Variants in ZFC3H1 observed in about 807,000 individuals in gnomAD.
ZFC3H1 encodes the protein zinc finger C3H1 domain-containing protein.
ZFC3H1 carries 71 observed loss-of-function variants against 243.7 expected under a neutral mutation model. The observed-to-expected ratio is 0.29, with a 90% CI of 0.24 to 0.36. The LOEUF (loss-of-function observed/expected upper bound fraction) is 0.36. ZFC3H1 is among the 10% of genes least tolerant of loss of function. The pLI, the probability that ZFC3H1 is intolerant of heterozygous loss-of-function variation, is 1.00. For synonymous variants in ZFC3H1, 838 were observed against 813.0 expected, an observed-to-expected ratio of 1.03 and a Z score of -0.52; for missense variants, 1,966 against 2,317.1, an observed-to-expected ratio of 0.85 and a Z score of 3.11.
In ZFC3H1 at chr12:71,610,164, G is replaced by C. The variant is rs2137508377; in HGVS notation, c.*264C>G. On this transcript the variant is annotated 3_prime_UTR_variant, in exon 35 of 35. Coordinates refer to ENST00000378743, the MANE Select transcript of ZFC3H1 (RefSeq NM_144982.5). The stretch of plus-strand genomic sequence containing the variant: ...AATTAAAATAAATGTCAGTCACTTT[G>C]AGGAACTATACTTACGTATATGATG... The C allele has an allele frequency of 3.4e-6, 1 of 294,030 alleles. No individual in the cohort carries two copies. Among genetic ancestry groups the C allele is most frequent in the East Asian group, 5.8e-5 (1 of 17,124 alleles). 18.2% of individuals were successfully genotyped at this position (294,030 alleles called of 1,614,324 possible). A position where few individuals can be genotyped will look rare whatever the true frequency, so the allele number is the denominator to read the frequency against.
chr12:71,626,283 G>T lies in ZFC3H1; in HGVS notation c.4294C>A (p.Pro1432Thr), dbSNP rs916613240. Residue 1432 changes from proline to threonine, a missense_variant, in exon 22 of 35, where the codon CCA becomes ACA. This residue lies in a region of ZFC3H1 where 1,383 missense variants were observed against 1,723.7 expected (regional missense o/e 0.80). Transcript: ENST00000378743. Reference sequence around the variant, plus strand: ...ACAGTCCAAAAGCTTTGATAATCTGGAGCATATTCAACAGCTGTTTCACAC... The same window carrying T: ...ACAGTCCAAAAGCTTTGATAATCTGTAGCATATTCAACAGCTGTTTCACAC... ...EMCETAVEYA[P>T]DYQSFWTFLH... 29 of 1,613,218 alleles carry T rather than the reference G, an allele frequency of 1.8e-5. No individual in the cohort carries two copies. Among genetic ancestry groups the T allele is most frequent in the Non-Finnish European group, 2.5e-5 (29 of 1,179,782 alleles).
In ZFC3H1 at chr12:71,638,535, T is replaced by C. The variant is rs1880523766; in HGVS notation, c.1628-20A>G. On this transcript the variant is annotated intron_variant, in intron 6 of 34. Transcript: ENST00000378743. Reference sequence around the variant, plus strand: ...AAGGAGCTGTAAAAAAATTTTTTGTTAAGAGTTTAATAACAGAAATACTTC... The same window carrying C: ...AAGGAGCTGTAAAAAAATTTTTTGTCAAGAGTTTAATAACAGAAATACTTC... 2 of 1,567,486 alleles carry C rather than the reference T, an allele frequency of 1.3e-6. No individual in the cohort carries two copies. The highest frequency in any genetic ancestry group is 1.7e-6 in the Non-Finnish European group (2 of 1,154,198).
Position 71,611,895 on chromosome 12 carries a change from GT to G in ZFC3H1, c.5628-9del. ...CATTCATGTTGAAGTAACCTGTAAAGTACATTCAGGAAAATGAACAAAGCAT... is the reference window on the plus strand; with the variant it reads ...CATTCATGTTGAAGTAACCTGTAAAGACATTCAGGAAAATGAACAAAGCAT... On this transcript the variant is annotated splice_polypyrimidine_tract_variant and intron_variant, in intron 31 of 34. Transcript: ENST00000378743. 4 of 1,567,492 alleles carry G rather than the reference GT, an allele frequency of 2.6e-6. No individual in the cohort carries two copies. The highest frequency in any genetic ancestry group is 3.5e-6 in the Non-Finnish European group (4 of 1,147,236).
Position 71,630,726 on chromosome 12 carries a change from GAT to G in ZFC3H1, c.3603-7_3603-6del. Reference sequence around the variant, plus strand: ...GTATAGTCTTGTATATGCTGCCTAAGATAAAAAAAAACACAGAAAAGATAATC... The same window carrying G: ...GTATAGTCTTGTATATGCTGCCTAAGAAAAAAAAACACAGAAAAGATAATC... On this transcript the variant is annotated splice_polypyrimidine_tract_variant and splice_region_variant and intron_variant, in intron 17 of 34. Transcript: ENST00000378743. 3 of 1,604,476 alleles carry G rather than the reference GAT, an allele frequency of 1.9e-6. No individual in the cohort carries two copies. Among genetic ancestry groups the G allele is most frequent in the Non-Finnish European group, 2.5e-6 (3 of 1,177,288 alleles).
intron 31 of ZFC3H1, 39 bp from the exon 32 acceptor site, chr12:71,611,926 A>C (rs751658420): frequency 7.4e-6 from 10 of 1,354,654 alleles, no homozygotes; most frequent in Non-Finnish European, 6.2e-6. Flanking sequence ...AAGCATTGCA[A>C]GTGTAACGAA....
chr12:71,622,296 C>G (rs1459436473), intron 24 of ZFC3H1, among the ~76,000 whole-genome samples: 1 of 152,190 alleles, frequency 6.6e-6, no homozygotes, highest in African/African-American at 2.4e-5. Flanking sequence ...CACCCCATCT[C>G]TGATGAGACC....
chr12:71,634,062 T>C (rs567768319), intron 12 of ZFC3H1, 93 bp downstream of exon 12: 2 of 1,285,738 alleles, frequency 1.6e-6, no homozygotes, highest in South Asian at 1.5e-5. Flanking sequence ...AGAAAATGTA[T>C]AATCTTATAG....
chr12:71,636,615 G>C lies in ZFC3H1; in HGVS notation c.1975C>G (p.Leu659Val). 6.2e-7 allele frequency: 1 copy of C among 1,613,684 alleles called. No individual in the cohort carries two copies. The part of the protein sequence containing the change: ...SNSDPPSPPV[L>V]NNSHPVPRSN... ...CTTGGCACAGGATGTGAATTGTTCA[G>C]AACTGGAGGTGAAGGTGGGTCACTA... Residue 659 changes from leucine to valine, a missense_variant, in exon 9 of 35, where the codon CTG becomes GTG. By Grantham distance (32) the Leu-to-Val change is conservative. Transcript: ENST00000378743.
chr12:71,635,141 C>T (rs1880428591), intron 10 of ZFC3H1, among the ~76,000 whole-genome samples: 1 of 152,048 alleles, frequency 6.6e-6, no homozygotes, highest in Admixed American at 6.5e-5. Flanking sequence ...TCTGGTAACA[C>T]AACACAACTC....
At chr12:71,638,990 T>C (rs907121158) in intron 6 of ZFC3H1, among the ~76,000 whole-genome samples, 1 of 152,190 alleles carries the variant, frequency 6.6e-6, no homozygotes, top group Admixed American at 6.5e-5. Context: ...ATAAGCTGTG[T>C]TGAAAGTAAA....
Position 71,637,147 on chromosome 12 carries a change from A to T in ZFC3H1, c.1726-88T>A, listed in dbSNP as rs1280931038. The T allele has an allele frequency of 1.7e-5, 19 of 1,131,246 alleles. No homozygotes were observed. The African/African-American group carries it at 2.8e-4, about 17-fold the overall frequency. The allele number at this position is 1,131,246 out of a possible 1,614,324, so 70.1% of individuals were successfully genotyped here. A position where few individuals can be genotyped will look rare whatever the true frequency, so the allele number is the denominator to read the frequency against. On this transcript the variant is annotated intron_variant, in intron 7 of 34. Transcript: ENST00000378743. The stretch of plus-strand genomic sequence containing the variant: ...CAGCAATATTAAACTAGAAAAAAAT[A>T]AACTTTACATTATTATTTTAGCTGT...
intron 22 of ZFC3H1, among the ~76,000 whole-genome samples, 186 bp from the exon 23 acceptor site, chr12:71,624,478 C>T (rs189080442): frequency 2.0e-5 from 3 of 152,250 alleles, no homozygotes; most frequent in Admixed American, 2.0e-4. Flanking sequence ...TATCACATAT[C>T]GAAAAGTGGA....
intron 30 of ZFC3H1, among the ~76,000 whole-genome samples, chr12:71,614,248 G>GT (rs1423781084): frequency 6.6e-6 from 1 of 151,230 alleles, no homozygotes; most frequent in Non-Finnish European, 1.5e-5. Context: ...CATTTGACGT[G>GT]TTTTTTCATT....
At position 71,645,072 on chromosome 12, in the gene ZFC3H1, G is replaced by C. The variant is rs1880694900; in HGVS notation, c.1084C>G (p.Leu362Val). ...STSDILSEKK[L>V]GEDEEELSEL... Reference sequence around the variant, plus strand: ...GATAGTTCCTCTTCATCTTCACCAAGTTTCTTTAAAGCAAAAAGAAAGAGC... The same window carrying C: ...GATAGTTCCTCTTCATCTTCACCAACTTTCTTTAAAGCAAAAAGAAAGAGC... The change falls in exon 4 of 35, where the codon CTT becomes GTT. Residue 362 changes from leucine (L) to valine (V), a missense_variant. This residue lies in a region of ZFC3H1 where 484 missense variants were observed against 449.7 expected (regional missense o/e 1.08). Coordinates refer to ENST00000378743, the MANE Select transcript of ZFC3H1 (RefSeq NM_144982.5). The C allele has an allele frequency of 2.5e-6, 4 of 1,592,424 alleles. No homozygotes were observed. In the South Asian group the frequency reaches 3.5e-5, roughly 14 times the overall value.
rs1048796788 is a variant in ZFC3H1 at position 71,615,065 on chromosome 12, T to C, written c.5256-127A>G. On this transcript the variant is annotated intron_variant, in intron 28 of 34. Coordinates refer to ENST00000378743, the MANE Select transcript of ZFC3H1 (RefSeq NM_144982.5). ...CCTTCTTTTGACCTTTCTTCTCTAG[T>C]ATATACTAAACCTTAGCATCTCTTC... The C allele has an allele frequency of 9.0e-6, 10 of 1,105,096 alleles. No homozygotes were observed. In the South Asian group the frequency reaches 1.5e-4, roughly 16 times the overall value. The allele number at this position is 1,105,096 out of a possible 1,614,324, so 68.5% of individuals were successfully genotyped here.
chr12:71,647,147 C>T (rs1880749104), intron 3 of ZFC3H1, among the ~76,000 whole-genome samples: 1 of 152,092 alleles, frequency 6.6e-6, no homozygotes, highest in Non-Finnish European at 1.5e-5. Flanking sequence ...AAACTGAAAT[C>T]TCAAAAGAAA....
chr12:71,627,990 G>C (rs2137530216), intron 20 of ZFC3H1, 56 bp from the exon 21 acceptor site: 1 of 1,515,320 alleles, frequency 6.6e-7, no homozygotes, highest in Non-Finnish European at 8.9e-7. Flanking sequence ...ACAGATGCAA[G>C]AAAAAGAAAA....
At chr12:71,650,154 C>G (rs187914463) in intron 2 of ZFC3H1, among the ~76,000 whole-genome samples, 4 of 152,184 alleles carry the variant, frequency 2.6e-5, no homozygotes, top group Admixed American at 2.6e-4. Flanking sequence ...CGCCACTGCA[C>G]TCCAGCCTGG....
chr12:71,632,450 A>C lies in ZFC3H1; in HGVS notation c.2882T>G (p.Leu961Arg), dbSNP rs1425043125. Reference sequence around the variant, plus strand: ...TAACCGTCTTTTCTCCATAGCAATTAGTTCTGCTGAATGCTTTCTTGGACT... The same window carrying C: ...TAACCGTCTTTTCTCCATAGCAATTCGTTCTGCTGAATGCTTTCTTGGACT... The part of the protein sequence containing the change: ...VSSPRKHSAE[L>R]IAMEKRRLQK... Residue 961 changes from leucine (L) to arginine (R), a missense_variant, in exon 15 of 35, where the codon CTA becomes CGA. Leu to Arg is a moderately radical substitution (Grantham distance 102). This residue lies in a region of ZFC3H1 where 1,383 missense variants were observed against 1,723.7 expected (regional missense o/e 0.80). Transcript: ENST00000378743. The C allele has an allele frequency of 6.2e-7, 1 of 1,604,072 alleles. No homozygotes were observed. Among genetic ancestry groups the C allele is most frequent in the Non-Finnish European group, 8.5e-7 (1 of 1,179,128 alleles).
Sources: allele counts gnomAD v4.1 joint callset (sites outside exome capture counted in the v4.1 genomes callset), GRCh38; gene constraint gnomAD v4.1.1; regional missense constraint gnomAD v4.1.1; transcripts MANE v1.5; gene names NCBI Gene and HGNC (gene_info 2026-07-23, HGNC 2026-07-21).